The following FMN2 variants were observed in gnomAD, a reference collection of about 807,000 sequenced individuals.
FMN2 encodes formin-2.
FMN2 carries 51 observed loss-of-function variants against 142.3 expected under a neutral mutation model. That is an observed-to-expected ratio of 0.36 (90% CI 0.29 to 0.45). The LOEUF (loss-of-function observed/expected upper bound fraction) is 0.45. Ranked by LOEUF, FMN2 falls within the 20% of genes least tolerant of loss-of-function variation. FMN2 has a pLI of 1.00. For synonymous variants in FMN2, 882 were observed against 869.8 expected, an observed-to-expected ratio of 1.01 and a Z score of -0.25; for missense variants, 1,936 against 2,122.8, an observed-to-expected ratio of 0.91 and a Z score of 1.73.
In FMN2 at chr1:240,208,746, G is replaced by A. The variant is rs1666557604; in HGVS notation, c.3920+14G>A. 1 of 1,597,644 alleles carries A rather than the reference G, an allele frequency of 6.3e-7. No individual in the cohort carries two copies. The highest frequency in any genetic ancestry group is 8.6e-7 in the Non-Finnish European group (1 of 1,168,272). ...ACATAGTAAAAGGTAACATGAAAGT[G>A]AGCTCGTCTTTGCACAGTGTGTGTC... On this transcript the variant is annotated intron_variant, in intron 5 of 17. Coordinates refer to ENST00000319653, the MANE Select transcript of FMN2 (RefSeq NM_020066.5).
intron 8 of FMN2, among the ~76,000 whole-genome samples, chr1:240,297,594 CAAAAAA>C (rs57504077): frequency 0.28 from 25,328 of 88,982 alleles, 2,250 homozygotes; most frequent in Admixed American, 0.43. Context: ...GACTCCATCT[CAAAAAA>C]AAAAAAAAAA....
chr1:240,170,982 T>G, intron 2 of FMN2: 2 of 798,868 alleles, frequency 2.5e-6, no homozygotes, highest in Non-Finnish European at 4.6e-6. Context: ...GTATTAGGAA[T>G]GTCAAGGTCG....
chr1:240,422,195 CA>C (rs897397154), intron 15 of FMN2, among the ~76,000 whole-genome samples: 2 of 152,182 alleles, frequency 1.3e-5, no homozygotes, highest in Non-Finnish European at 2.9e-5. Context: ...ATCAGTCCTC[CA>C]ACATCATTTT....
chr1:240,344,628 AT>A, intron 13 of FMN2, among the ~76,000 whole-genome samples: 1 of 152,098 alleles, frequency 6.6e-6, no homozygotes, highest in East Asian at 1.9e-4. Flanking sequence ...TGAGAAGAAA[AT>A]TTTTCAAATC....
At chr1:240,107,352 A>G (rs558256836) in intron 1 of FMN2, among the ~76,000 whole-genome samples, 34 of 152,160 alleles carry the variant, frequency 2.2e-4, no homozygotes, top group Non-Finnish European at 4.3e-4. Flanking sequence ...TAAGAGCAGC[A>G]GCTGTGGTCT....
intron 2 of FMN2, among the ~76,000 whole-genome samples, chr1:240,123,792 TAAACCCTG>T (rs1558307185): frequency 2.0e-5 from 3 of 152,282 alleles, no homozygotes; most frequent in African/African-American, 7.2e-5. Context: ...TCATCCAAAA[TAAACCCTG>T]TACCCATTAA....
chr1:240,104,227 A>G (rs1190802872), intron 1 of FMN2, among the ~76,000 whole-genome samples: 1 of 149,784 alleles, frequency 6.7e-6, no homozygotes, highest in Non-Finnish European at 1.5e-5. Flanking sequence ...TATAATAGAC[A>G]TTATATATAT....
Position 240,177,938 on chromosome 1 carries a change from C to A in FMN2, c.1800C>A (p.Thr600=), listed in dbSNP as rs1251023379. Residue 600 remains threonine (T), a synonymous_variant, in exon 3 of 18, where the codon ACC becomes ACA. Coordinates refer to ENST00000319653, the MANE Select transcript of FMN2 (RefSeq NM_020066.5). ...AASFDQDQLY[T]WAAVSQPTHS... is the part of the protein sequence containing the mutation. ...AAATATAGCAAGATCAACTTTATAC[C>A]TGGGCTGCAGTTAGTCAACCCACAC... 6.3e-7 allele frequency: 1 copy of A among 1,576,542 alleles called. No individual in the cohort carries two copies. Among genetic ancestry groups the A allele is most frequent in the South Asian group, 1.2e-5 (1 of 83,126 alleles).
At position 240,300,975 on chromosome 1, in the gene FMN2, C is replaced by G. The variant is rs767298893; in HGVS notation, c.4215+6092C>G. Among the ~76,000 whole-genome samples the G allele has an allele frequency of 4.0e-5, 6 of 151,574 alleles. No individual in the cohort carries two copies. In the East Asian group the frequency reaches 7.8e-4, roughly 20 times the overall value. ...GTGTTTGAATTGCATCTCTCATAGA[C>G]AGCATGCATTTGGGTCTGTGTTTTT... is the stretch of plus-strand genomic sequence containing the variant. On this transcript the variant is annotated intron_variant, in intron 8 of 17. Transcript: ENST00000319653.
In FMN2 at chr1:240,144,777, C is replaced by T. The variant is rs113816137; in HGVS notation, c.1782+21432C>T. The T allele has an allele frequency of 5.0e-5, 70 of 1,393,910 alleles. 1 individual carries two copies. The Middle Eastern group carries it at 5.3e-4, about 11-fold the overall frequency. 86.3% of individuals were successfully genotyped at this position (1,393,910 alleles called of 1,614,324 possible). ...ATAAGGTCACAGGCCTCATGCTCTGCGTCGTGGACCATGTTGTAGGGGACG... is the reference window on the plus strand; with the variant it reads ...ATAAGGTCACAGGCCTCATGCTCTGTGTCGTGGACCATGTTGTAGGGGACG... On this transcript the variant is annotated intron_variant, in intron 2 of 17. Transcript: ENST00000319653.
chr1:240,442,309 G>A (rs368037600), intron 16 of FMN2, among the ~76,000 whole-genome samples: 6 of 152,292 alleles, frequency 3.9e-5, no homozygotes, highest in African/African-American at 1.4e-4. Context: ...AAAAATACCA[G>A]GGAGGAACTC....
chr1:240,224,256 A>G (rs966419549), intron 6 of FMN2, among the ~76,000 whole-genome samples: 6 of 152,180 alleles, frequency 3.9e-5, no homozygotes, highest in African/African-American at 1.4e-4. Flanking sequence ...GTAGTCGTTC[A>G]GGAGCAGGTT....
intron 16 of FMN2, among the ~76,000 whole-genome samples, chr1:240,461,125 T>G (rs1676435275): frequency 6.6e-6 from 1 of 152,198 alleles, no homozygotes; most frequent in Admixed American, 6.5e-5. Flanking sequence ...TATTCCCGCT[T>G]TTTATCCTTC....
intron 16 of FMN2, among the ~76,000 whole-genome samples, chr1:240,444,941 T>C (rs1012073996): frequency 6.6e-6 from 1 of 152,244 alleles, no homozygotes; most frequent in African/African-American, 2.4e-5. Flanking sequence ...AACTGCCTCT[T>C]GGACTGCAAG....
At chr1:240,269,000 T>C (rs1668904322) in intron 7 of FMN2, among the ~76,000 whole-genome samples, 1 of 152,046 alleles carries the variant, frequency 6.6e-6, no homozygotes, top group Admixed American at 6.6e-5. Context: ...TCCCAATTTG[T>C]GGTTGTCTCT....
chr1:240,439,735 G>C (rs972828714), intron 16 of FMN2, among the ~76,000 whole-genome samples: 1 of 152,116 alleles, frequency 6.6e-6, no homozygotes, highest in Non-Finnish European at 1.5e-5. Flanking sequence ...AAGCGTATGC[G>C]AATCACTGTT....
intron 15 of FMN2, among the ~76,000 whole-genome samples, chr1:240,403,764 G>A (rs1050649172): frequency 1.3e-5 from 2 of 152,076 alleles, no homozygotes; most frequent in African/African-American, 2.4e-5. Context: ...TGCTTTATTT[G>A]GACATTATTA....
intron 1 of FMN2, among the ~76,000 whole-genome samples, chr1:240,112,222 C>T (rs1020145191): frequency 6.8e-6 from 1 of 147,934 alleles, no homozygotes; most frequent in Non-Finnish European, 1.5e-5. Flanking sequence ...ACCTCCACCT[C>T]CTGGGTTCAA....
chr1:240,101,861 A>G (rs183905913), intron 1 of FMN2, among the ~76,000 whole-genome samples: 1 of 152,236 alleles, frequency 6.6e-6, no homozygotes, highest in East Asian at 1.9e-4. Context: ...GCTATGTTAT[A>G]TAATGTATGG....
Sources: allele counts gnomAD v4.1 joint callset (sites outside exome capture counted in the v4.1 genomes callset), GRCh38; gene constraint gnomAD v4.1.1; transcripts MANE v1.5; gene names NCBI Gene and HGNC (gene_info 2026-07-23, HGNC 2026-07-21).